STXBP5L: variants seen among roughly 807,000 people sequenced by gnomAD.
STXBP5L encodes syntaxin binding protein 5L.
In STXBP5L, 65 loss-of-function variants were observed where a neutral mutation model predicts 144.5. That is an observed-to-expected ratio of 0.45 (90% confidence interval 0.37 to 0.55). The LOEUF (loss-of-function observed/expected upper bound fraction) is 0.55. Ranked by LOEUF, STXBP5L falls within the 20% of genes least tolerant of loss-of-function variation. The probability of loss-of-function intolerance (pLI) is 0.00; values close to 1 mark genes in which losing one functional copy is unlikely to be tolerated. For missense variants in STXBP5L, 1,298 were observed against 1,405.5 expected (o/e 0.92, Z 1.22); for synonymous variants, 505 against 469.6 (o/e 1.08, Z -0.97).
At chr3:121,309,127 G>A (rs930679595) in intron 19 of STXBP5L, among the ~76,000 whole-genome samples, 5 of 151,680 alleles carry the variant, frequency 3.3e-5, no homozygotes, top group Non-Finnish European at 7.4e-5. Flanking sequence ...AAAACCAAAA[G>A]GAAAATGACA....
chr3:121,050,136 G>T (rs1947850016), intron 5 of STXBP5L, among the ~76,000 whole-genome samples: 6 of 152,152 alleles, frequency 3.9e-5, no homozygotes, highest in Admixed American at 3.9e-4. Context: ...CCACCTGGAT[G>T]TTCTGGTTGA....
chr3:121,006,264 A>G (rs974518171), intron 3 of STXBP5L, among the ~76,000 whole-genome samples: 3 of 152,314 alleles, frequency 2.0e-5, no homozygotes, highest in African/African-American at 7.2e-5. Context: ...TATTTAGGAT[A>G]GTTAGCTCTT....
At chr3:120,975,853 T>G (rs957109288) in intron 3 of STXBP5L, among the ~76,000 whole-genome samples, 2 of 152,154 alleles carry the variant, frequency 1.3e-5, no homozygotes, top group African/African-American at 4.8e-5. Flanking sequence ...CATTTATTGA[T>G]TTGTGTATAT....
chr3:121,405,076 T>G (rs188569199), intron 22 of STXBP5L, among the ~76,000 whole-genome samples: 53 of 152,214 alleles, frequency 3.5e-4, no homozygotes, highest in African/African-American at 1.2e-3. Flanking sequence ...TGTACTCTGG[T>G]ATCTCTTTTT....
intron 3 of STXBP5L, among the ~76,000 whole-genome samples, chr3:120,978,495 C>G (rs538219797): frequency 6.6e-6 from 1 of 152,024 alleles, no homozygotes; most frequent in Non-Finnish European, 1.5e-5. Flanking sequence ...TTTGAATTTC[C>G]TCCTGTAGCT....
intron 19 of STXBP5L, among the ~76,000 whole-genome samples, chr3:121,286,150 G>T (rs942102251): frequency 1.3e-5 from 2 of 152,044 alleles, no homozygotes; most frequent in African/African-American, 4.8e-5. Flanking sequence ...ATGCAACAAG[G>T]GATCCTTTGG....
At chr3:121,368,007 T>A (rs1032726318) in intron 20 of STXBP5L, among the ~76,000 whole-genome samples, 11 of 152,084 alleles carry the variant, frequency 7.2e-5, no homozygotes. Context: ...GTTGTTTATA[T>A]TCATGTGTTT....
chr3:120,957,526 G>T (rs12635708), intron 3 of STXBP5L, among the ~76,000 whole-genome samples: 1 of 151,836 alleles, frequency 6.6e-6, no homozygotes, highest in Non-Finnish European at 1.5e-5. Flanking sequence ...TGTCTTTGTT[G>T]GTTTTGGTAT....
chr3:121,020,493 T>A (rs990376594), intron 3 of STXBP5L, among the ~76,000 whole-genome samples: 34 of 152,070 alleles, frequency 2.2e-4, no homozygotes, highest in African/African-American at 7.7e-4. Context: ...AAGGAAATAA[T>A]CTTAAGAGCT....
intron 19 of STXBP5L, among the ~76,000 whole-genome samples, chr3:121,304,617 C>G (rs966909001): frequency 2.1e-4 from 32 of 151,942 alleles, no homozygotes; most frequent in African/African-American, 7.7e-4. Context: ...TAACTCATAG[C>G]TTAAAAAAGA....
intron 22 of STXBP5L, among the ~76,000 whole-genome samples, chr3:121,386,592 C>T (rs1338721254): frequency 1.3e-5 from 2 of 152,054 alleles, no homozygotes; most frequent in East Asian, 3.9e-4. Context: ...GTGATGTTCC[C>T]TGCGCTGTGT....
chr3:120,962,705 T>C (rs990367241), intron 3 of STXBP5L, among the ~76,000 whole-genome samples: 10 of 152,200 alleles, frequency 6.6e-5, no homozygotes, highest in African/African-American at 2.2e-4. Flanking sequence ...TGAAGTCAGG[T>C]AGCATGATGG....
rs906332500 is a variant in STXBP5L, at chr3:121,305,663, G to A, written c.2111-12812G>A. Among the ~76,000 whole-genome samples the A allele has an allele frequency of 2.5e-4, 38 of 151,926 alleles. 1 individual carries two copies. The highest frequency in any genetic ancestry group is 4.6e-4 in the Non-Finnish European group (31 of 67,942). On this transcript the variant is annotated intron_variant, in intron 19 of 26. Transcript: ENST00000471454. ...GAATATTTCCTCAATAGAATAAACC[G>A]TACTAAGAAAAATCTACAGCATCAT...
intron 5 of STXBP5L, among the ~76,000 whole-genome samples, chr3:121,063,952 T>G (rs1006364580): frequency 2.0e-5 from 3 of 152,106 alleles, no homozygotes; most frequent in African/African-American, 7.2e-5. Flanking sequence ...TCCACTGAGC[T>G]AGACCACTTG....
At chr3:121,035,238 GT>G (rs1372501002) in intron 3 of STXBP5L, among the ~76,000 whole-genome samples, 1 of 152,014 alleles carries the variant, frequency 6.6e-6, no homozygotes, top group Non-Finnish European at 1.5e-5. Context: ...GCCTATTTTT[GT>G]TTTTGTTGCT....
chr3:121,185,283 C>CA (rs1166008186), intron 9 of STXBP5L, among the ~76,000 whole-genome samples: 3 of 152,142 alleles, frequency 2.0e-5, no homozygotes, highest in Non-Finnish European at 4.4e-5. Flanking sequence ...TTTTGCTGTG[C>CA]AAAAGCTCTT....
At chr3:121,044,670 T>G (rs192886148) in intron 4 of STXBP5L, among the ~76,000 whole-genome samples, 307 of 152,278 alleles carry the variant, frequency 2.0e-3, no homozygotes, top group Non-Finnish European at 3.0e-3. Flanking sequence ...CATTTTAAAA[T>G]GATCTGATTT....
intron 3 of STXBP5L, among the ~76,000 whole-genome samples, chr3:121,020,683 A>G (rs1295384363): frequency 3.3e-5 from 5 of 152,188 alleles, no homozygotes; most frequent in Non-Finnish European, 5.9e-5. Flanking sequence ...TGAAGGGAAG[A>G]TACAGTCTTT....
intron 3 of STXBP5L, among the ~76,000 whole-genome samples, chr3:121,025,127 A>C (rs1322860944): frequency 1.3e-5 from 2 of 152,154 alleles, no homozygotes; most frequent in African/African-American, 4.8e-5. Flanking sequence ...TCAATTAATA[A>C]GAGAAGTTAG....
Sources: allele counts gnomAD v4.1 joint callset (sites outside exome capture counted in the v4.1 genomes callset), GRCh38; gene constraint gnomAD v4.1.1; transcripts MANE v1.5; gene names NCBI Gene and HGNC (gene_info 2026-07-23, HGNC 2026-07-21).